ERC1: variants seen among roughly 807,000 people sequenced by gnomAD.
ERC1 encodes RAB6 interacting protein 2.
Under a neutral mutation model 132.0 loss-of-function variants are expected in ERC1, and 56 were observed. That is an observed-to-expected ratio of 0.42 (90% CI 0.34 to 0.53). The LOEUF (loss-of-function observed/expected upper bound fraction) is 0.53, where lower values mean the gene tolerates loss of function less well. ERC1 is among the 20% of genes least tolerant of loss of function. The probability of loss-of-function intolerance (pLI) is 0.03; values close to 1 mark genes in which losing one functional copy is unlikely to be tolerated. For missense variants in ERC1, 1,202 were observed against 1,349.9 expected (o/e 0.89, Z 1.72); for synonymous variants, 478 against 476.1 (o/e 1.00, Z -0.05).
chr12:1,404,582 C>T (rs1015757256), intron 16 of ERC1, among the ~76,000 whole-genome samples: 1 of 152,186 alleles, frequency 6.6e-6, no homozygotes, highest in South Asian at 2.1e-4. Flanking sequence ...AGTGATAGAA[C>T]TAGATATTTA....
intron 15 of ERC1, among the ~76,000 whole-genome samples, chr12:1,351,543 C>G (rs965370007): frequency 1.4e-4 from 22 of 152,122 alleles, no homozygotes; most frequent in African/African-American, 5.1e-4. Context: ...TATGCATTTC[C>G]TGATTACGTA....
At chr12:1,197,351 A>G (rs1212282828) in intron 12 of ERC1, among the ~76,000 whole-genome samples, 1 of 152,146 alleles carries the variant, frequency 6.6e-6, no homozygotes, top group Non-Finnish European at 1.5e-5. Context: ...TAGCAGAGTC[A>G]TGCCTAACAA....
intron 12 of ERC1, among the ~76,000 whole-genome samples, chr12:1,192,052 A>C (rs892672543): frequency 1.3e-5 from 2 of 152,216 alleles, no homozygotes; most frequent in Non-Finnish European, 2.9e-5. Flanking sequence ...GTTGAGCCAG[A>C]GCTAGTAGAA....
chr12:1,190,514 T>TA (rs776503247), intron 12 of ERC1, among the ~76,000 whole-genome samples: 1 of 152,198 alleles, frequency 6.6e-6, no homozygotes, highest in Non-Finnish European at 1.5e-5. Context: ...AGCACGCTGT[T>TA]ACTTCAGTGC....
At chr12:1,272,972 A>G (rs1040677999) in intron 14 of ERC1, among the ~76,000 whole-genome samples, 1 of 145,476 alleles carries the variant, frequency 6.9e-6, no homozygotes, top group Non-Finnish European at 1.5e-5. Flanking sequence ...AAAAAAAAAA[A>G]CCTTGAGTAG....
intron 7 of ERC1, among the ~76,000 whole-genome samples, chr12:1,124,388 T>C (rs1279093738): frequency 6.6e-6 from 1 of 152,132 alleles, no homozygotes; most frequent in African/African-American, 2.4e-5. Context: ...TCTTGAAACA[T>C]ACTACCAAAA....
At chr12:1,292,026 A>G (rs899407468) in intron 15 of ERC1, among the ~76,000 whole-genome samples, 2 of 152,230 alleles carry the variant, frequency 1.3e-5, no homozygotes, top group Non-Finnish European at 2.9e-5. Context: ...AAATAATAAA[A>G]TAACAACTGT....
chr12:1,272,347 G>GT (rs2077919807), intron 14 of ERC1, among the ~76,000 whole-genome samples: 1 of 152,176 alleles, frequency 6.6e-6, no homozygotes, highest in Non-Finnish European at 1.5e-5. Context: ...GAGAAATGTC[G>GT]TATTTATAGA....
At chr12:1,108,904 T>A (rs1725280809) in intron 4 of ERC1, among the ~76,000 whole-genome samples, 1 of 152,196 alleles carries the variant, frequency 6.6e-6, no homozygotes, top group South Asian at 2.1e-4. Context: ...TATAAAGCCT[T>A]AATCTCTCTC....
intron 8 of ERC1, among the ~76,000 whole-genome samples, chr12:1,167,701 GCTT>G (rs1952559362): frequency 6.6e-6 from 1 of 150,738 alleles, no homozygotes. Context: ...AGATCTTTGG[GCTT>G]CTTTTTTCTT....
chr12:1,444,906 TGG>T, intron 18 of ERC1, 156 bp downstream of exon 18: 1 of 506,802 alleles, frequency 2.0e-6, no homozygotes, highest in East Asian at 3.2e-5. Flanking sequence ...GTTCATGCAG[TGG>T]GAGCTACCTT....
At chr12:1,155,121 AAACCTGGC>A (rs1391640104) in intron 8 of ERC1, among the ~76,000 whole-genome samples, 3 of 152,094 alleles carry the variant, frequency 2.0e-5, no homozygotes, top group African/African-American at 7.2e-5. Context: ...AGTTCAAGAC[AAACCTGGC>A]AACATGGCCA....
intron 18 of ERC1, among the ~76,000 whole-genome samples, chr12:1,484,269 C>T (rs1325662057): frequency 2.0e-5 from 3 of 151,064 alleles, no homozygotes; most frequent in Non-Finnish European, 4.4e-5. Context: ...CGCACCACTG[C>T]ACTCCAGCCT....
intron 13 of ERC1, among the ~76,000 whole-genome samples, chr12:1,249,006 T>G (rs148640939): frequency 7.4e-4 from 112 of 152,214 alleles, no homozygotes; most frequent in African/African-American, 2.5e-3. Flanking sequence ...CCTCAGCCTC[T>G]GGAGTATCTG....
rs528652390 is a variant in ERC1, at chr12:1,362,434, G to GTC, written c.2781-9387_2781-9386dup. ...AAGAACCGTTGATCTTCAGAGCTCTGTCTCTCTCTCTCTGTCTCTCTCTCT... is the reference window on the plus strand; with the variant it reads ...AAGAACCGTTGATCTTCAGAGCTCTGTCTCTCTCTCTCTCTGTCTCTCTCTCT... On this transcript the variant is annotated intron_variant, in intron 15 of 18. Coordinates refer to ENST00000360905, the MANE Select transcript of ERC1 (RefSeq NM_178040.4). Among the ~76,000 whole-genome samples, 1,152 of 151,022 alleles carry GTC rather than the reference G, an allele frequency of 7.6e-3. 14 individuals carry two copies. The highest frequency in any genetic ancestry group is 0.024 in the African/African-American group (1,003 of 41,062).
intron 1 of ERC1, among the ~76,000 whole-genome samples, chr12:1,008,555 G>A (rs932052114): frequency 1.3e-5 from 2 of 152,080 alleles, no homozygotes; most frequent in African/African-American, 4.8e-5. Context: ...GGGATTACAG[G>A]TGTGAGCCAC....
At chr12:1,436,396 T>C (rs2092949768) in intron 17 of ERC1, among the ~76,000 whole-genome samples, 1 of 152,230 alleles carries the variant, frequency 6.6e-6, no homozygotes, top group Non-Finnish European at 1.5e-5. Flanking sequence ...ATCTTTGACA[T>C]GTTCACATCT....
chr12:1,414,892 C>T (rs1170821553), intron 17 of ERC1, among the ~76,000 whole-genome samples: 2 of 152,008 alleles, frequency 1.3e-5, no homozygotes, highest in Non-Finnish European at 2.9e-5. Flanking sequence ...CTACTGAATT[C>T]ACAAAAATCC....
intron 17 of ERC1, among the ~76,000 whole-genome samples, chr12:1,441,350 C>A (rs763447725): frequency 6.6e-6 from 1 of 152,114 alleles, no homozygotes; most frequent in Non-Finnish European, 1.5e-5. Context: ...CATGAGCCAC[C>A]GTGCCCGGCT....
Sources: gnomAD v4.1 joint callset for allele counts (sites outside exome capture counted in the v4.1 genomes callset) on GRCh38, gnomAD v4.1.1 for gene constraint, MANE v1.5 for transcripts, NCBI Gene and HGNC (gene_info 2026-07-23, HGNC 2026-07-21) for gene names.